GNA14: variants seen among roughly 807,000 people sequenced by gnomAD.
GNA14 encodes the protein guanine nucleotide-binding protein subunit alpha-14.
Under a neutral mutation model 42.0 loss-of-function variants are expected in GNA14, and 50 were observed. The ratio of observed to expected loss-of-function variants is 1.19; its 90% CI spans 0.95 to 1.51. The LOEUF (loss-of-function observed/expected upper bound fraction) is 1.51, where lower values mean the gene tolerates loss of function less well. Among genes scored for constraint, GNA14 ranks in the 40% most tolerant of loss-of-function variants. GNA14 has a pLI of 0.00. For missense variants in GNA14, 473 were observed against 446.2 expected, an observed-to-expected ratio of 1.06 and a Z score of -0.54; for synonymous variants, 173 against 163.1, an observed-to-expected ratio of 1.06 and a Z score of -0.46.
At chr9:77,559,844 C>T (rs1822849256) in intron 1 of GNA14, among the ~76,000 whole-genome samples, 1 of 152,226 alleles carries the variant, frequency 6.6e-6, no homozygotes, top group Admixed American at 6.5e-5. Context: ...AATAGGTTCA[C>T]ATTTTCAAGC....
intron 2 of GNA14, among the ~76,000 whole-genome samples, chr9:77,464,315 G>A (rs73456170): frequency 0.031 from 4,633 of 151,278 alleles, 179 homozygotes; most frequent in African/African-American, 0.093. Flanking sequence ...GTGTATGTGA[G>A]AGTGTGTGTA....
At chr9:77,592,297 T>G (rs1006400261) in intron 1 of GNA14, among the ~76,000 whole-genome samples, 50 of 152,074 alleles carry the variant, frequency 3.3e-4, no homozygotes, top group African/African-American at 8.9e-4. Flanking sequence ...AATTGTGTGG[T>G]GTGTGTGTGT....
chr9:77,434,288 G>T (rs987730031), intron 3 of GNA14, 80 bp downstream of exon 3: 1 of 1,329,092 alleles, frequency 7.5e-7, no homozygotes, highest in Non-Finnish European at 1.1e-6. Context: ...TTTCAGCAGC[G>T]TTCAGCGAGA....
Position 77,647,651 on chromosome 9 carries a change from C to T in GNA14, c.124+19G>A. 6.2e-7 allele frequency: 1 copy of T among 1,602,484 alleles called. No individual in the cohort carries two copies. Among genetic ancestry groups the T allele is most frequent in the Non-Finnish European group, 8.5e-7 (1 of 1,175,242 alleles). The stretch of plus-strand genomic sequence containing the variant: ...AGAAAAACGCCCGGCTCACTGGAGT[C>T]GGAGACGCAGCCACTCACCCAGCAG... On this transcript the variant is annotated intron_variant, in intron 1 of 6. Coordinates refer to ENST00000341700, the MANE Select transcript of GNA14 (RefSeq NM_004297.4).
intron 2 of GNA14, among the ~76,000 whole-genome samples, chr9:77,492,533 A>G (rs1172743579): frequency 6.6e-6 from 1 of 152,118 alleles, no homozygotes; most frequent in Admixed American, 6.5e-5. Context: ...TATTACAAAC[A>G]GCTACACTCC....
chr9:77,548,133 C>A (rs6560606), intron 1 of GNA14, among the ~76,000 whole-genome samples: 33,657 of 152,086 alleles, frequency 0.22, 5,056 homozygotes, highest in African/African-American at 0.43. Context: ...GCTTAAAACC[C>A]AGGAAACACA....
chr9:77,492,326 A>T (rs551348338), intron 2 of GNA14, among the ~76,000 whole-genome samples: 1 of 151,526 alleles, frequency 6.6e-6, no homozygotes, highest in Non-Finnish European at 1.5e-5. Flanking sequence ...AATTTTATTT[A>T]TAAAAATAAA....
intron 2 of GNA14, among the ~76,000 whole-genome samples, chr9:77,511,471 CAT>C (rs1837168363): frequency 1.3e-5 from 2 of 152,192 alleles, no homozygotes; most frequent in South Asian, 4.1e-4. Flanking sequence ...AAGCGTAACA[CAT>C]GTGTGTGTCC....
Position 77,648,120 on chromosome 9 carries a change from C to G in GNA14, c.-327G>C. On this transcript the variant is annotated 5_prime_UTR_variant, in exon 1 of 7. Transcript: ENST00000341700. Reference sequence around the variant, plus strand: ...GCTGGCCCCGGGAAGATGCGCGCGCCCCTTGGCACAGGAGCCGGACAGCAG... The same window carrying G: ...GCTGGCCCCGGGAAGATGCGCGCGCGCCTTGGCACAGGAGCCGGACAGCAG... The G allele has an allele frequency of 2.6e-6, 1 of 379,068 alleles. No homozygotes were observed. The highest frequency in any genetic ancestry group is 2.9e-5 in the South Asian group (1 of 34,386). 23.5% of individuals were successfully genotyped at this position (379,068 alleles called of 1,614,324 possible).
At chr9:77,574,460 G>A (rs898943867) in intron 1 of GNA14, among the ~76,000 whole-genome samples, 2 of 152,166 alleles carry the variant, frequency 1.3e-5, no homozygotes, top group Non-Finnish European at 2.9e-5. Context: ...TATAGCTAAT[G>A]ATGACCAATG....
At chr9:77,490,202 A>T (rs1270493568) in intron 2 of GNA14, among the ~76,000 whole-genome samples, 3 of 151,572 alleles carry the variant, frequency 2.0e-5, no homozygotes, top group Non-Finnish European at 4.4e-5. Flanking sequence ...AGAGTGTCAA[A>T]TGGTGCATTC....
chr9:77,577,520 A>T (rs112924011), intron 1 of GNA14, among the ~76,000 whole-genome samples: 4 of 152,306 alleles, frequency 2.6e-5, no homozygotes, highest in African/African-American at 7.2e-5. Flanking sequence ...TCATCCTACA[A>T]GGGTGGGGCA....
chr9:77,486,182 T>C (rs942713611), intron 2 of GNA14, among the ~76,000 whole-genome samples: 3 of 152,256 alleles, frequency 2.0e-5, no homozygotes, highest in Non-Finnish European at 4.4e-5. Context: ...GATAACTTGC[T>C]GCAGCTTCTC....
rs534484016 is a variant in GNA14, at chr9:77,515,815, T to A, written c.309+13254A>T. Among the ~76,000 whole-genome samples, 14 of 151,378 alleles carry A rather than the reference T, an allele frequency of 9.2e-5. No individual in the cohort carries two copies. In the East Asian group the frequency reaches 2.7e-3, roughly 30 times the overall value. On this transcript the variant is annotated intron_variant, in intron 2 of 6. Transcript: ENST00000341700. ...CCCATCTTTACAAAAAAATAAAAAA[T>A]TAGCCAGGCCTGGGGGTGTGCACCT...
chr9:77,541,485 T>G (rs1439936847), intron 1 of GNA14, among the ~76,000 whole-genome samples: 2 of 152,244 alleles, frequency 1.3e-5, no homozygotes, highest in African/African-American at 4.8e-5. Context: ...GTCATTAACT[T>G]TAGACAGTTT....
Position 77,429,448 on chromosome 9 carries a change from T to A in GNA14, c.594-412A>T, listed in dbSNP as rs1430936322. Among the ~76,000 whole-genome samples, 3 of 152,294 alleles carry A rather than the reference T, an allele frequency of 2.0e-5. No homozygotes were observed. The South Asian group carries it at 6.2e-4, about 32-fold the overall frequency. ...AGGCTGGCTTCAGGACCCGAGCCTA[T>A]TCTGTTTTTGTGGCTCCTCTAACTT... On this transcript the variant is annotated intron_variant, in intron 4 of 6. Transcript: ENST00000341700.
At chr9:77,500,497 A>G (rs1394303037) in intron 2 of GNA14, among the ~76,000 whole-genome samples, 2 of 152,234 alleles carry the variant, frequency 1.3e-5, no homozygotes, top group Non-Finnish European at 2.9e-5. Flanking sequence ...GCTACATTAC[A>G]ACATCAAAAC....
intron 1 of GNA14, among the ~76,000 whole-genome samples, chr9:77,562,264 A>G (rs1380517895): frequency 6.6e-6 from 1 of 152,184 alleles, no homozygotes; most frequent in Non-Finnish European, 1.5e-5. Flanking sequence ...GCTCAGTGCT[A>G]TGGAAAGTCT....
intron 2 of GNA14, among the ~76,000 whole-genome samples, chr9:77,439,600 G>A (rs745828735): frequency 5.9e-5 from 9 of 152,350 alleles, no homozygotes; most frequent in East Asian, 5.8e-4. Flanking sequence ...TCGTGCCACC[G>A]CACTTCGGCC....
Sources: allele counts gnomAD v4.1 joint callset (sites outside exome capture counted in the v4.1 genomes callset), GRCh38; gene constraint gnomAD v4.1.1; transcripts MANE v1.5; gene names NCBI Gene and HGNC (gene_info 2026-07-23, HGNC 2026-07-21).